Variants in PLEKHO1 observed in about 807,000 individuals in gnomAD.
The protein encoded by PLEKHO1 is pleckstrin homology domain containing O1, also known as pleckstrin homology domain-containing family O member 1.
Under a neutral mutation model 41.4 loss-of-function variants are expected in PLEKHO1, and 22 were observed. The observed-to-expected ratio is 0.53, with a 90% CI of 0.38 to 0.76. The LOEUF is 0.76. PLEKHO1 is among the 30% of genes least tolerant of loss of function. PLEKHO1 has a pLI of 0.00. For missense variants in PLEKHO1, 488 were observed against 518.3 expected (o/e 0.94, Z 0.57); for synonymous variants, 225 against 210.8 (o/e 1.07, Z -0.58).
At chr1:150,157,548 G>A in intron 5 of PLEKHO1, 62 bp downstream of exon 5, 1 of 1,183,250 alleles carries the variant, frequency 8.5e-7, no homozygotes, top group Non-Finnish European at 1.3e-6. Flanking sequence ...ATCTCAGACA[G>A]AACTGTATGC....
Position 150,156,140 on chromosome 1 carries a change from C to A in PLEKHO1, c.252C>A (p.Ser84=). The stretch of plus-strand genomic sequence containing the variant: ...AGAAGTGTGAAGAGCTCCGGAAGTC[C>A]AAGAGCAGGAGCAAGAAAAATCATA... ...DYEKCEELRK[S]KSRSKKNHSK... Residue 84 remains serine (S), a synonymous_variant, in exon 3 of 6, where the codon TCC becomes TCA. Coordinates refer to ENST00000369124, the MANE Select transcript of PLEKHO1 (RefSeq NM_016274.6). The A allele has an allele frequency of 6.2e-7, 1 of 1,613,408 alleles. No individual in the cohort carries two copies. Among genetic ancestry groups the A allele is most frequent in the Non-Finnish European group, 8.5e-7 (1 of 1,179,384 alleles).
At chr1:150,158,749 C>T in intron 5 of PLEKHO1, 70 bp from the exon 6 acceptor site, 2 of 1,063,252 alleles carry the variant, frequency 1.9e-6, no homozygotes, top group South Asian at 2.9e-5. Context: ...CAGCTTGCAT[C>T]TTTTAGGCAG....
chr1:150,156,270 C>G, intron 3 of PLEKHO1, 64 bp downstream of exon 3: 1 of 1,351,352 alleles, frequency 7.4e-7, no homozygotes, highest in Non-Finnish European at 1.0e-6. Context: ...CAGGGGAGAA[C>G]TCCTTCCCCT....
chr1:150,159,656 C>T lies in PLEKHO1; in HGVS notation c.*133C>T, dbSNP rs1660353478. On this transcript the variant is annotated 3_prime_UTR_variant, in exon 6 of 6. Transcript: ENST00000369124. ...CTCATTGCTCTTGCTGATGCCTGAC[C>T]CCACTACAACCCTTATTGCCCCACC... The T allele has an allele frequency of 1.6e-6, 1 of 625,384 alleles. No homozygotes were observed. The highest frequency in any genetic ancestry group is 2.8e-6 in the Non-Finnish European group (1 of 358,678). 38.7% of individuals were successfully genotyped at this position (625,384 alleles called of 1,614,324 possible).
Position 150,159,327 on chromosome 1 carries a change from A to G in PLEKHO1, c.1034A>G (p.Asp345Gly), listed in dbSNP as rs781963347. Residue 345 changes from aspartate to glycine, a missense_variant, in exon 6 of 6, where the codon GAT becomes GGT. Physicochemically the swap from Asp to Gly is moderately conservative, Grantham distance 94 (BLOSUM62 -1). Coordinates refer to ENST00000369124, the MANE Select transcript of PLEKHO1 (RefSeq NM_016274.6). ...AAGGACCCCCCTCGGTCTCCGCCGGATTCTGAGTCAGAGCAGCTGCTGCTG... is the reference window on the plus strand; with the variant it reads ...AAGGACCCCCCTCGGTCTCCGCCGGGTTCTGAGTCAGAGCAGCTGCTGCTG... ...KAKDPPRSPP[D>G]SESEQLLLET... is the part of the protein sequence containing the mutation. The G allele has an allele frequency of 6.2e-7, 1 of 1,614,182 alleles. No individual in the cohort carries two copies. Among genetic ancestry groups the G allele is most frequent in the Non-Finnish European group, 8.5e-7 (1 of 1,180,036 alleles).
At chr1:150,157,926 G>A (rs1415735114) in intron 5 of PLEKHO1, among the ~76,000 whole-genome samples, 2 of 152,172 alleles carry the variant, frequency 1.3e-5, no homozygotes, top group African/African-American at 4.8e-5. Context: ...GAGAACACAG[G>A]CTTTGGAGTT....
upstream of PLEKHO1, chr1:150,149,705 G>T (rs1553817914): frequency 6.6e-6 from 1 of 151,992 alleles, no homozygotes; most frequent in Non-Finnish European, 1.5e-5. Context: ...TCCGCGTGTC[G>T]CCCGAGCCGC....
chr1:150,158,785 C>G (rs781788630), intron 5 of PLEKHO1, 34 bp from the exon 6 acceptor site: 3 of 1,334,806 alleles, frequency 2.2e-6, no homozygotes, highest in Non-Finnish European at 3.2e-6. Flanking sequence ...CTCCTGATGA[C>G]AGGTTCCCCA....
chr1:150,158,390 A>G (rs1257045539), intron 5 of PLEKHO1, among the ~76,000 whole-genome samples: 1 of 152,168 alleles, frequency 6.6e-6, no homozygotes, highest in Non-Finnish European at 1.5e-5. Context: ...GGTTCAGTCA[A>G]GAGCAGAGGG....
rs1660298309 is a variant in PLEKHO1, at chr1:150,158,962, G to C, written c.669G>C (p.Arg223=). 1 of 1,614,054 alleles carries C rather than the reference G, an allele frequency of 6.2e-7. No homozygotes were observed. The change falls in exon 6 of 6, where the codon CGG becomes CGC. Residue 223 remains arginine (R), a synonymous_variant. Coordinates refer to ENST00000369124, the MANE Select transcript of PLEKHO1 (RefSeq NM_016274.6). Reference sequence around the variant, plus strand: ...TGGCCCAGCTGGCAGGGAGCCGGCGGAGAGCGGACTCAGACCGCATCCAGC... The same window carrying C: ...TGGCCCAGCTGGCAGGGAGCCGGCGCAGAGCGGACTCAGACCGCATCCAGC... ...KSVAQLAGSR[R]RADSDRIQPS...
intron 2 of PLEKHO1, chr1:150,153,623 C>G (rs1206697361): frequency 2.0e-5 from 3 of 152,186 alleles, no homozygotes; most frequent in Admixed American, 6.5e-5. Context: ...TCTCCCACAA[C>G]CACCTCTGCC....
chr1:150,150,825 C>T (rs1659882469), intron 1 of PLEKHO1, 87 bp from the exon 2 acceptor site: 2 of 1,304,294 alleles, frequency 1.5e-6, no homozygotes, highest in African/African-American at 2.9e-5. Context: ...GGAGACTGGG[C>T]CGCCGAGGCG....
chr1:150,158,685 T>C, intron 5 of PLEKHO1, 134 bp from the exon 6 acceptor site: 1 of 684,202 alleles, frequency 1.5e-6, no homozygotes, highest in Non-Finnish European at 2.6e-6. Context: ...CAAGACTCTG[T>C]CTCTAAAAAA....
chr1:150,153,368 T>C (rs1292528670), intron 2 of PLEKHO1: 1 of 152,118 alleles, frequency 6.6e-6, no homozygotes, highest in Admixed American at 6.5e-5. Flanking sequence ...TTTTTATTTT[T>C]TGTAGACATG....
chr1:150,157,954 C>T (rs1157616177), intron 5 of PLEKHO1, among the ~76,000 whole-genome samples: 1 of 152,182 alleles, frequency 6.6e-6, no homozygotes, highest in East Asian at 1.9e-4. Context: ...GAGTTGGAAC[C>T]TCACTGTAAT....
At chr1:150,157,068 C>T in intron 4 of PLEKHO1, 53 bp downstream of exon 4, 1 of 1,122,206 alleles carries the variant, frequency 8.9e-7, no homozygotes, top group Non-Finnish European at 1.4e-6. Context: ...GAGGGAACAG[C>T]TGTGACCCAC....
At position 150,158,477 on chromosome 1, in the gene PLEKHO1, G is replaced by A. The variant is rs587694800; in HGVS notation, c.526-342G>A. 5.6e-4 allele frequency among the ~76,000 whole-genome samples: 85 copies of A among 152,082 alleles called. 1 individual carries two copies. Among genetic ancestry groups the A allele is most frequent in the Non-Finnish European group, 4.7e-4 (32 of 67,992 alleles). Reference sequence around the variant, plus strand: ...GAGACGGTGTATCACTTGAGGTCAGGAGTTTGAGACCAGCCATGGCCAACA... The same window carrying A: ...GAGACGGTGTATCACTTGAGGTCAGAAGTTTGAGACCAGCCATGGCCAACA... On this transcript the variant is annotated intron_variant, in intron 5 of 5. Transcript: ENST00000369124.
intron 2 of PLEKHO1, chr1:150,153,723 C>G (rs143194647): frequency 4.6e-5 from 7 of 152,300 alleles, no homozygotes; most frequent in South Asian, 2.1e-4. Context: ...CTTATGATCA[C>G]AGGCTGATGT....
intron 3 of PLEKHO1, 142 bp downstream of exon 3, chr1:150,156,348 A>G (rs918633502): frequency 2.9e-6 from 2 of 694,722 alleles, no homozygotes; most frequent in Non-Finnish European, 4.8e-6. Flanking sequence ...TTATCATTTC[A>G]CCTGAGAATA....
Sources: gnomAD v4.1 joint callset for allele counts (sites outside exome capture counted in the v4.1 genomes callset) on GRCh38, gnomAD v4.1.1 for gene constraint, MANE v1.5 for transcripts, NCBI Gene and HGNC (gene_info 2026-07-23, HGNC 2026-07-21) for gene names.